Variants in RNF10 observed in about 807,000 individuals in gnomAD.
RNF10 encodes ring finger protein 10.
RNF10 carries 38 observed loss-of-function variants against 91.4 expected under a neutral mutation model. The observed-to-expected ratio is 0.42, with a 90% confidence interval of 0.32 to 0.54. The LOEUF is 0.54. Ranked by LOEUF, RNF10 falls within the 20% of genes least tolerant of loss-of-function variation. The pLI is 0.16. For synonymous variants in RNF10, 364 were observed against 366.3 expected (o/e 0.99, Z 0.07); for missense variants, 945 against 1,012.0 (o/e 0.93, Z 0.90).
chr12:120,562,296 CAG>C (rs1874988244), intron 7 of RNF10, among the ~76,000 whole-genome samples: 1 of 82,460 alleles, frequency 1.2e-5, no homozygotes, highest in Admixed American at 1.9e-4. Flanking sequence ...TTTTTTGAGA[CAG>C]AGTTTTGCTC....
Position 120,560,817 on chromosome 12 carries a change from G to A in RNF10, c.1059G>A (p.Glu353=), listed in dbSNP as rs1253335690. Residue 353 remains glutamate (E), a synonymous_variant, in exon 7 of 17, where the codon GAG becomes GAA. Coordinates refer to ENST00000325954, the MANE Select transcript of RNF10 (RefSeq NM_014868.5). ...RVVLEEKVAL[E]QQLAEEKHTP... ...TTCTGGAGGAGAAAGTAGCACTAGAGCAGCAGCTGGCAGAGGAGAAGCACA... is the reference window on the plus strand; with the variant it reads ...TTCTGGAGGAGAAAGTAGCACTAGAACAGCAGCTGGCAGAGGAGAAGCACA... 3.1e-6 allele frequency: 5 copies of A among 1,614,074 alleles called. No homozygotes were observed. The highest frequency in any genetic ancestry group is 1.1e-5 in the South Asian group (1 of 91,088).
chr12:120,553,426 A>C (rs540287598), intron 3 of RNF10, among the ~76,000 whole-genome samples: 33 of 126,378 alleles, frequency 2.6e-4, no homozygotes, highest in Admixed American at 5.8e-4. Context: ...TTTTTGAGAC[A>C]AAGTCTTGCT....
chr12:120,534,948 G>A lies in RNF10; in HGVS notation c.137G>A (p.Gly46Asp). Residue 46 changes from glycine to aspartate, a missense_variant, in exon 1 of 17, where the codon GGC becomes GAC. Transcript: ENST00000325954. Reference sequence around the variant, plus strand: ...CGCTCCGCCTCGGCGGGGCCAGCCGGCGAGTCTAAACCCAAGAGCGGTAAG... The same window carrying A: ...CGCTCCGCCTCGGCGGGGCCAGCCGACGAGTCTAAACCCAAGAGCGGTAAG... The part of the protein sequence containing the change: ...PPRSASAGPA[G>D]ESKPKSDGKN... The A allele has an allele frequency of 6.2e-7, 1 of 1,601,214 alleles. No homozygotes were observed. The highest frequency in any genetic ancestry group is 8.5e-7 in the Non-Finnish European group (1 of 1,179,116).
chr12:120,550,906 C>T lies in RNF10; in HGVS notation c.355-1593C>T, dbSNP rs375435599. Among the ~76,000 whole-genome samples the T allele has an allele frequency of 8.4e-4, 127 of 152,012 alleles. 5 individuals carry two copies. The South Asian group carries it at 0.026, about 31-fold the overall frequency. ...CCACCACACCCGGCCCAGAATGCGG[C>T]GTTATTTTTAAGCTTGGTTGTTAAT... On this transcript the variant is annotated intron_variant, in intron 2 of 16. Transcript: ENST00000325954.
intron 14 of RNF10, chr12:120,575,299 C>T: frequency 3.5e-6 from 1 of 287,468 alleles, no homozygotes; most frequent in Non-Finnish European, 6.6e-6. Context: ...TTAGGGGTCC[C>T]AGGAAGGGCA....
chr12:120,574,341 C>T (rs1877088014), intron 14 of RNF10: 1 of 418,506 alleles, frequency 2.4e-6, no homozygotes, highest in African/African-American at 2.1e-5. Flanking sequence ...TGTTCTCTGC[C>T]TTTTAAGTGG....
At position 120,556,231 on chromosome 12, in the gene RNF10, T is replaced by G. The variant is rs75983791; in HGVS notation, c.646-1051T>G. Among the ~76,000 whole-genome samples the G allele has an allele frequency of 4.9e-4, 75 of 152,178 alleles. 1 individual carries two copies. The East Asian group carries it at 0.013, about 27-fold the overall frequency. Reference sequence around the variant, plus strand: ...ACTTTTTCTTTATGAGCAGGGGCTTTTGACCTTAAAGCTTGAACTCTCGCC... The same window carrying G: ...ACTTTTTCTTTATGAGCAGGGGCTTGTGACCTTAAAGCTTGAACTCTCGCC... On this transcript the variant is annotated intron_variant, in intron 4 of 16. Coordinates refer to ENST00000325954, the MANE Select transcript of RNF10 (RefSeq NM_014868.5).
At chr12:120,541,181 G>C (rs574467524) in intron 1 of RNF10, among the ~76,000 whole-genome samples, 20 of 152,266 alleles carry the variant, frequency 1.3e-4, no homozygotes, top group Middle Eastern at 3.4e-3. Flanking sequence ...ATAAGCCCTT[G>C]CCATGTAGAA....
intron 6 of RNF10, among the ~76,000 whole-genome samples, 182 bp downstream of exon 6, chr12:120,557,864 GT>G (rs1874267884): frequency 6.6e-6 from 1 of 152,198 alleles, no homozygotes; most frequent in East Asian, 1.9e-4. Context: ...TTGGTTTCAA[GT>G]TTGTTTAATC....
intron 1 of RNF10, among the ~76,000 whole-genome samples, chr12:120,541,004 C>T (rs1320366088): frequency 3.3e-5 from 5 of 151,966 alleles, no homozygotes; most frequent in African/African-American, 9.7e-5. Flanking sequence ...TACAGGCATG[C>T]GCCACCATGC....
chr12:120,560,853 C>T lies in RNF10; in HGVS notation c.1095C>T (p.Ser365=). The T allele has an allele frequency of 6.2e-7, 1 of 1,614,162 alleles. No individual in the cohort carries two copies. The highest frequency in any genetic ancestry group is 8.5e-7 in the Non-Finnish European group (1 of 1,180,026). ...QLAEEKHTPE[S]CFIEAAIQEL... is the part of the protein sequence containing the mutation. ...CAGAGGAGAAGCACACTCCCGAGTCCTGCTTTATTGAGGCAGCTATCCAGG... is the reference window on the plus strand; with the variant it reads ...CAGAGGAGAAGCACACTCCCGAGTCTTGCTTTATTGAGGCAGCTATCCAGG... The change falls in exon 7 of 17, where the codon TCC becomes TCT. Residue 365 remains serine (S), a synonymous_variant. Transcript: ENST00000325954.
rs1362169827 is a variant in RNF10 at position 120,534,761 on chromosome 12, C to G, written c.-51C>G. ...GCCCTGAACGCCATGAGCCTGGGTC[C>G]CCGCCGCGCCCGCTCCGCTCCGACT... On this transcript the variant is annotated 5_prime_UTR_variant, in exon 1 of 17. Coordinates refer to ENST00000325954, the MANE Select transcript of RNF10 (RefSeq NM_014868.5). 5 of 1,516,976 alleles carry G rather than the reference C, an allele frequency of 3.3e-6. No individual in the cohort carries two copies. The East Asian group carries it at 7.7e-5, about 23-fold the overall frequency. The allele number at this position is 1,516,976 out of a possible 1,614,324, so 94.0% of individuals were successfully genotyped here.
Position 120,534,511 on chromosome 12 carries a change from C to A in RNF10, c.-301C>A. On this transcript the variant is annotated 5_prime_UTR_variant, in exon 1 of 17. Coordinates refer to ENST00000325954, the MANE Select transcript of RNF10 (RefSeq NM_014868.5). ...AGAGCGTGTCCGGCCGGCCGGCCGGCGGGGCTCGCGCAACCTCCCTCGCCT... is the reference window on the plus strand; with the variant it reads ...AGAGCGTGTCCGGCCGGCCGGCCGGAGGGGCTCGCGCAACCTCCCTCGCCT... 1 of 287,848 alleles carries A rather than the reference C, an allele frequency of 3.5e-6. No homozygotes were observed. Among genetic ancestry groups the A allele is most frequent in the Non-Finnish European group, 6.0e-6 (1 of 165,610 alleles). The allele number at this position is 287,848 out of a possible 1,614,324, so 17.8% of individuals were successfully genotyped here.
At chr12:120,568,105 T>G (rs1021650791) in intron 13 of RNF10, among the ~76,000 whole-genome samples, 1 of 151,734 alleles carries the variant, frequency 6.6e-6, no homozygotes, top group Admixed American at 6.6e-5. Context: ...TTTAGCCAGG[T>G]GTGGTAGTGT....
intron 6 of RNF10, among the ~76,000 whole-genome samples, 166 bp downstream of exon 6, chr12:120,557,848 T>A (rs1168938937): frequency 6.6e-6 from 1 of 152,206 alleles, no homozygotes; most frequent in African/African-American, 2.4e-5. Context: ...GAGAGTAGAT[T>A]AATTATTGGT....
Position 120,557,681 on chromosome 12 carries a change from A to G in RNF10, c.966A>G (p.Gly322=). 1.2e-6 allele frequency: 2 copies of G among 1,614,104 alleles called. No individual in the cohort carries two copies. Among genetic ancestry groups the G allele is most frequent in the Non-Finnish European group, 8.5e-7 (1 of 1,179,996 alleles). The change falls in exon 6 of 17, where the codon GGA becomes GGG. Residue 322 remains glycine (G), a splice_region_variant and synonymous_variant. Transcript: ENST00000325954. ...WMNVDHPIHL[G]DEQHSQYSKL... is the part of the protein sequence containing the mutation. ...ATGTAGACCATCCCATTCATCTAGG[A>G]GGTGAGTTCTTTAAATTTTGGGGAC...
intron 1 of RNF10, among the ~76,000 whole-genome samples, chr12:120,538,559 C>T (rs1040240454): frequency 6.6e-6 from 1 of 152,130 alleles, no homozygotes; most frequent in African/African-American, 2.4e-5. Context: ...ATAGGTATTT[C>T]TGAGAACATG....
chr12:120,566,883 T>C lies in RNF10; in HGVS notation c.1944T>C (p.Tyr648=), dbSNP rs751913257. The C allele has an allele frequency of 2.3e-5, 37 of 1,613,900 alleles. No homozygotes were observed. The highest frequency in any genetic ancestry group is 3.1e-5 in the Non-Finnish European group (36 of 1,179,918). The part of the protein sequence containing the change: ...NLQQFPAFNS[Y]TCSSDSALGP... Reference sequence around the variant, plus strand: ...AGCAGTTTCCTGCCTTCAATTCTTATACCTGCTCCTCTGATTCTGCTTTGG... The same window carrying C: ...AGCAGTTTCCTGCCTTCAATTCTTACACCTGCTCCTCTGATTCTGCTTTGG... The change falls in exon 13 of 17, where the codon TAT becomes TAC. Residue 648 remains tyrosine, a synonymous_variant. Transcript: ENST00000325954.
chr12:120,551,537 GA>G (rs139592862), intron 2 of RNF10, among the ~76,000 whole-genome samples: 6,865 of 151,710 alleles, frequency 0.045, 252 homozygotes, highest in South Asian at 0.1. Flanking sequence ...GACCTCAGGT[GA>G]TCCGCCTACC....
Sources: allele counts gnomAD v4.1 joint callset (sites outside exome capture counted in the v4.1 genomes callset), GRCh38; gene constraint gnomAD v4.1.1; transcripts MANE v1.5; gene names NCBI Gene and HGNC (gene_info 2026-07-23, HGNC 2026-07-21).